CLSTN1: variants seen among roughly 807,000 people sequenced by gnomAD.
The protein encoded by CLSTN1 is calsyntenin-1.
Under a neutral mutation model 108.3 loss-of-function variants are expected in CLSTN1, and 28 were observed. The observed-to-expected ratio is 0.26, with a 90% CI of 0.19 to 0.35. The LOEUF (loss-of-function observed/expected upper bound fraction) is 0.35. Ranked by LOEUF, CLSTN1 falls within the 10% of genes least tolerant of loss-of-function variation. The probability of loss-of-function intolerance (pLI) is 1.00; values close to 1 mark genes in which losing one functional copy is unlikely to be tolerated. For missense variants in CLSTN1, 1,157 were observed against 1,302.6 expected, an observed-to-expected ratio of 0.89 and a Z score of 1.72; for synonymous variants, 524 against 534.9, an observed-to-expected ratio of 0.98 and a Z score of 0.28.
At chr1:9,818,388 G>T (rs961311636) in intron 1 of CLSTN1, among the ~76,000 whole-genome samples, 2 of 151,604 alleles carry the variant, frequency 1.3e-5, no homozygotes, top group African/African-American at 4.8e-5. Flanking sequence ...GAGTGCGGCG[G>T]TGTGATCTCG....
At chr1:9,758,963 C>A (rs1651944000) in intron 2 of CLSTN1, among the ~76,000 whole-genome samples, 1 of 152,130 alleles carries the variant, frequency 6.6e-6, no homozygotes, top group African/African-American at 2.4e-5. Context: ...TGTTCAAATG[C>A]AAATGAAAAT....
At chr1:9,762,058 C>G (rs1469995189) in intron 2 of CLSTN1, among the ~76,000 whole-genome samples, 1 of 152,170 alleles carries the variant, frequency 6.6e-6, no homozygotes, top group Non-Finnish European at 1.5e-5. Flanking sequence ...CTCCACTCAC[C>G]ATTCAAACTT....
intron 1 of CLSTN1, among the ~76,000 whole-genome samples, chr1:9,817,279 G>A (rs1039768186): frequency 3.3e-5 from 5 of 152,148 alleles, no homozygotes; most frequent in African/African-American, 1.2e-4. Flanking sequence ...CTTTTGATAT[G>A]CTATCACATA....
At chr1:9,764,106 A>AAG (rs772208381) in intron 2 of CLSTN1, among the ~76,000 whole-genome samples, 3,633 of 120,754 alleles carry the variant, frequency 0.03, 52 homozygotes, top group African/African-American at 0.048. Flanking sequence ...GGGAGAAAGA[A>AAG]AGAGAGAGAG....
At chr1:9,804,260 G>A (rs1654410240) in intron 1 of CLSTN1, among the ~76,000 whole-genome samples, 1 of 151,390 alleles carries the variant, frequency 6.6e-6, no homozygotes, top group Admixed American at 6.6e-5. Flanking sequence ...CTACTCAGGA[G>A]GCTGAGGCAG....
chr1:9,749,250 G>A (rs1296921577), intron 7 of CLSTN1, among the ~76,000 whole-genome samples: 3 of 152,064 alleles, frequency 2.0e-5, no homozygotes, highest in Admixed American at 6.6e-5. Context: ...TTGAATAGAC[G>A]TTTAGGAGTT....
chr1:9,797,242 A>T (rs1373294928), intron 1 of CLSTN1, among the ~76,000 whole-genome samples: 1 of 152,126 alleles, frequency 6.6e-6, no homozygotes, highest in African/African-American at 2.4e-5. Flanking sequence ...GAGCCCACCC[A>T]AGAGTCTGAG....
chr1:9,741,380 C>T, intron 9 of CLSTN1, 124 bp from the exon 10 acceptor site: 1 of 930,284 alleles, frequency 1.1e-6, no homozygotes, highest in Non-Finnish European at 1.6e-6. Flanking sequence ...AAAAATCTAA[C>T]CACAAAATAT....
At chr1:9,809,328 T>TCAG (rs1654633867) in intron 1 of CLSTN1, among the ~76,000 whole-genome samples, 2 of 152,258 alleles carry the variant, frequency 1.3e-5, no homozygotes, top group South Asian at 4.1e-4. Context: ...TCTTCCTGGG[T>TCAG]CAGCACCCAA....
intron 6 of CLSTN1, 56 bp from the exon 7 acceptor site, chr1:9,749,702 T>C (rs1487102072): frequency 6.2e-7 from 1 of 1,611,092 alleles, no homozygotes; most frequent in Non-Finnish European, 8.5e-7. Context: ...ACACTCTAGG[T>C]TGCTGCCGCA....
intron 1 of CLSTN1, among the ~76,000 whole-genome samples, chr1:9,801,776 G>A (rs987634694): frequency 6.6e-6 from 1 of 152,038 alleles, no homozygotes; most frequent in African/African-American, 2.4e-5. Flanking sequence ...GGCTGATCTC[G>A]AACTCCGGAG....
In CLSTN1 at chr1:9,805,367, G is replaced by A. The variant is rs188756804; in HGVS notation, c.91+18276C>T. ...TGATCTAAGGACTCCTGCGGGGGCA[G>A]GGAGGAATCCCCAAAGCTCTCTCTT... On this transcript the variant is annotated intron_variant, in intron 1 of 18. Coordinates refer to ENST00000377298, the MANE Select transcript of CLSTN1 (RefSeq NM_001009566.3). Among the ~76,000 whole-genome samples the A allele has an allele frequency of 3.9e-5, 6 of 152,248 alleles. 1 individual carries two copies. The highest frequency in any genetic ancestry group is 3.3e-4 in the Admixed American group (5 of 15,278).
chr1:9,773,188 G>A lies in CLSTN1; in HGVS notation c.214+84C>T, dbSNP rs184222370. 1,282 of 1,562,134 alleles carry A rather than the reference G, an allele frequency of 8.2e-4. 14 individuals carry two copies. The South Asian group carries it at 9.8e-3, about 12-fold the overall frequency. ...CAGCTATGGAGACATTTTCAGAAAC[G>A]CTCAGCATTACCCAAATGGGATGTG... On this transcript the variant is annotated intron_variant, in intron 2 of 18. Transcript: ENST00000377298.
At chr1:9,781,187 G>A (rs1653225042) in intron 1 of CLSTN1, 2 of 795,348 alleles carry the variant, frequency 2.5e-6, no homozygotes, top group African/African-American at 1.7e-5. Flanking sequence ...AGTTATTAAG[G>A]AGCTTCGCAA....
intron 1 of CLSTN1, among the ~76,000 whole-genome samples, chr1:9,793,974 G>A (rs1194524794): frequency 6.6e-6 from 1 of 151,364 alleles, no homozygotes; most frequent in Non-Finnish European, 1.5e-5. Flanking sequence ...CATTCGCATT[G>A]GGTTAGAACT....
chr1:9,786,670 A>AAAAC (rs1329549057), intron 1 of CLSTN1, among the ~76,000 whole-genome samples: 1 of 150,040 alleles, frequency 6.7e-6, no homozygotes, highest in Non-Finnish European at 1.5e-5. Flanking sequence ...AAAAAAAAAA[A>AAAAC]AAACAAAGGT....
chr1:9,742,660 A>G (rs1194834144), intron 9 of CLSTN1, among the ~76,000 whole-genome samples: 3 of 152,356 alleles, frequency 2.0e-5, no homozygotes, highest in Non-Finnish European at 4.4e-5. Context: ...TTTCTGAGAA[A>G]TAATCACTCA....
intron 1 of CLSTN1, among the ~76,000 whole-genome samples, chr1:9,780,534 A>C (rs1304801428): frequency 6.6e-6 from 1 of 152,234 alleles, no homozygotes; most frequent in Non-Finnish European, 1.5e-5. Context: ...TTTATAATTC[A>C]AATTTTCTAA....
chr1:9,764,716 T>C lies in CLSTN1; in HGVS notation c.215-8206A>G, dbSNP rs139702197. ...AAACATCCAAACTGCAGCACTTGCC[T>C]CCTTAGCCCACACCATCGTTGCCTC... On this transcript the variant is annotated intron_variant, in intron 2 of 18. Transcript: ENST00000377298. 4.4e-3 allele frequency among the ~76,000 whole-genome samples: 658 copies of C among 147,890 alleles called. 8 individuals are homozygous for C. The highest frequency in any genetic ancestry group is 0.015 in the African/African-American group (616 of 40,354).
Sources: gnomAD v4.1 joint callset for allele counts (sites outside exome capture counted in the v4.1 genomes callset) on GRCh38, gnomAD v4.1.1 for gene constraint, MANE v1.5 for transcripts, NCBI Gene and HGNC (gene_info 2026-07-23, HGNC 2026-07-21) for gene names.